The following CSMD1 variants were observed in gnomAD, a reference collection of about 807,000 sequenced individuals.
The protein encoded by CSMD1 is CUB and sushi domain-containing protein 1.
Under a neutral mutation model 417.5 loss-of-function variants are expected in CSMD1, and 213 were observed. That is an observed-to-expected ratio of 0.51 (90% CI 0.46 to 0.57). CSMD1 has a LOEUF of 0.57. Among genes scored for constraint, CSMD1 ranks in the 20% least tolerant of loss-of-function variants. The probability of loss-of-function intolerance (pLI) is 0.00; values close to 1 mark genes in which losing one functional copy is unlikely to be tolerated. For missense variants in CSMD1, 6,923 were observed against 4,529.7 expected (o/e 1.53, Z -15.17); for synonymous variants, 2,862 against 1,736.8 (o/e 1.65, Z -16.11).
chr8:3,633,010 C>T (rs12541127), intron 7 of CSMD1, among the ~76,000 whole-genome samples: 1 of 152,146 alleles, frequency 6.6e-6, no homozygotes, highest in Non-Finnish European at 1.5e-5. Flanking sequence ...GATATGTTTC[C>T]TCAGTGAGTG....
At chr8:3,234,208 C>A (rs911999443) in intron 26 of CSMD1, among the ~76,000 whole-genome samples, 1 of 152,178 alleles carries the variant, frequency 6.6e-6, no homozygotes. Flanking sequence ...CTCTCCATTT[C>A]TGCATTTCAT....
chr8:4,268,570 A>G (rs1804369622), intron 3 of CSMD1, among the ~76,000 whole-genome samples: 1 of 152,184 alleles, frequency 6.6e-6, no homozygotes. Context: ...TTAGAGATGA[A>G]TATCCTCATT....
intron 12 of CSMD1, among the ~76,000 whole-genome samples, chr8:3,417,558 G>A (rs916272510): frequency 2.6e-5 from 4 of 152,164 alleles, no homozygotes; most frequent in Non-Finnish European, 5.9e-5. Context: ...GAATAGATAA[G>A]GTGTGTTCCA....
chr8:3,165,752 A>G (rs958062361), intron 37 of CSMD1, among the ~76,000 whole-genome samples: 1 of 152,282 alleles, frequency 6.6e-6, no homozygotes, highest in East Asian at 1.9e-4. Flanking sequence ...CAGGGGCAGA[A>G]GACAGCTAGG....
At chr8:2,954,190 G>A (rs1204753166) in intron 65 of CSMD1, 34 bp downstream of exon 65, 1 of 1,301,336 alleles carries the variant, frequency 7.7e-7, no homozygotes, top group Admixed American at 2.6e-5. Flanking sequence ...TCACTTTATT[G>A]GATTGAAATC....
intron 23 of CSMD1, among the ~76,000 whole-genome samples, chr8:3,316,541 G>GA (rs1563264982): frequency 1.4e-5 from 2 of 144,778 alleles, no homozygotes; most frequent in African/African-American, 2.6e-5. Flanking sequence ...TGCGGGAGAG[G>GA]GTTTGAGCAG....
chr8:4,293,365 A>T (rs1797479804), intron 3 of CSMD1, among the ~76,000 whole-genome samples: 1 of 152,222 alleles, frequency 6.6e-6, no homozygotes, highest in Non-Finnish European at 1.5e-5. Context: ...TAGTAAGTCC[A>T]ATCTAAATTT....
intron 26 of CSMD1, among the ~76,000 whole-genome samples, chr8:3,242,257 G>C (rs183667499): frequency 3.3e-5 from 5 of 151,696 alleles, no homozygotes; most frequent in South Asian, 2.1e-4. Flanking sequence ...AGGAACGGAG[G>C]CTGAGGAAGA....
intron 1 of CSMD1, among the ~76,000 whole-genome samples, chr8:4,842,970 T>C (rs992842601): frequency 1.3e-5 from 2 of 152,200 alleles, no homozygotes; most frequent in Non-Finnish European, 2.9e-5. Context: ...CTCATTTCCT[T>C]TGTGTTCAGA....
At chr8:3,895,023 T>C (rs1305012623) in intron 5 of CSMD1, among the ~76,000 whole-genome samples, 3 of 152,178 alleles carry the variant, frequency 2.0e-5, no homozygotes, top group Non-Finnish European at 4.4e-5. Flanking sequence ...GGAGGCCATT[T>C]GTGAGGTATT....
In CSMD1 at chr8:3,642,924, A is replaced by G. The variant is rs181398654; in HGVS notation, c.1010-26127T>C. ...ATATATATAATGTAACTTTCTGAAG[A>G]TAAAACCACTAATAGTTAAAATAAA... On this transcript the variant is annotated intron_variant, in intron 7 of 69. Coordinates refer to ENST00000635120, the MANE Select transcript of CSMD1 (RefSeq NM_033225.6). Among the ~76,000 whole-genome samples, 530 of 152,158 alleles carry G rather than the reference A, an allele frequency of 3.5e-3. 4 individuals carry two copies. The highest frequency in any genetic ancestry group is 0.012 in the African/African-American group (478 of 41,514).
intron 3 of CSMD1, among the ~76,000 whole-genome samples, chr8:4,118,280 A>G (rs958788669): frequency 6.6e-6 from 1 of 152,174 alleles, no homozygotes; most frequent in African/African-American, 2.4e-5. Flanking sequence ...AAATGCTCAC[A>G]TGTGAAGAAG....
chr8:3,718,634 C>G (rs1392896797), intron 6 of CSMD1, among the ~76,000 whole-genome samples: 1 of 152,100 alleles, frequency 6.6e-6, no homozygotes, highest in Non-Finnish European at 1.5e-5. Context: ...ATCATTGTGT[C>G]AAGGTAGTAT....
chr8:3,308,283 C>T (rs1291846385), intron 24 of CSMD1, 29 bp downstream of exon 24: 1 of 1,571,624 alleles, frequency 6.4e-7, no homozygotes. Context: ...CTGGCTTTTG[C>T]ACAATGGTAT....
intron 25 of CSMD1, among the ~76,000 whole-genome samples, chr8:3,288,305 A>C (rs945346066): frequency 4.8e-5 from 7 of 146,952 alleles, no homozygotes; most frequent in Non-Finnish European, 8.8e-5. Context: ...TATGAGGATG[A>C]TGTTGGCCTC....
chr8:4,182,077 A>G lies in CSMD1; in HGVS notation c.416-149978T>C, dbSNP rs76306440. Among the ~76,000 whole-genome samples the G allele has an allele frequency of 6.2e-3, 943 of 151,930 alleles. 44 individuals carry two copies. The East Asian group carries it at 0.11, about 18-fold the overall frequency. On this transcript the variant is annotated intron_variant, in intron 3 of 69. Coordinates refer to ENST00000635120, the MANE Select transcript of CSMD1 (RefSeq NM_033225.6). The stretch of plus-strand genomic sequence containing the variant: ...GTGTGTGTGTATACCTAAATTAGGT[A>G]TTTAAACCTACCTGAATAGCATTTC...
intron 33 of CSMD1, among the ~76,000 whole-genome samples, chr8:3,190,928 A>T (rs1796381649): frequency 6.6e-6 from 1 of 152,214 alleles, no homozygotes; most frequent in Non-Finnish European, 1.5e-5. Flanking sequence ...GCACTCATAG[A>T]ACCAGAGAGA....
chr8:3,240,864 A>G (rs1458191709), intron 26 of CSMD1, among the ~76,000 whole-genome samples: 1 of 152,068 alleles, frequency 6.6e-6, no homozygotes, highest in Non-Finnish European at 1.5e-5. Context: ...AAACGGGGGA[A>G]TTGTAAGGAG....
At chr8:3,674,464 A>G (rs1488053382) in intron 7 of CSMD1, among the ~76,000 whole-genome samples, 2 of 152,164 alleles carry the variant, frequency 1.3e-5, no homozygotes, top group East Asian at 1.9e-4. Context: ...TTATTATTAT[A>G]AACAAAAAAT....
Sources: allele counts gnomAD v4.1 joint callset (sites outside exome capture counted in the v4.1 genomes callset), GRCh38; gene constraint gnomAD v4.1.1; transcripts MANE v1.5; gene names NCBI Gene and HGNC (gene_info 2026-07-23, HGNC 2026-07-21).